EPM2A: variants seen among roughly 807,000 people sequenced by gnomAD.
EPM2A encodes the protein laforin.
A neutral mutation model predicts 26.5 loss-of-function variants in EPM2A; 21 were observed. The ratio of observed to expected loss-of-function variants is 0.79; its 90% CI spans 0.56 to 1.14. The LOEUF (loss-of-function observed/expected upper bound fraction) is 1.14, where lower values mean the gene tolerates loss of function less well. Among genes scored for constraint, EPM2A ranks in the 50% most tolerant of loss-of-function variants. EPM2A has a pLI of 0.00. For missense variants in EPM2A, 458 were observed against 440.8 expected, an observed-to-expected ratio of 1.04 and a Z score of -0.35; for synonymous variants, 217 against 177.6, an observed-to-expected ratio of 1.22 and a Z score of -1.76.
At chr6:145,495,823 C>T (rs571700058) in intron 4 of EPM2A, among the ~76,000 whole-genome samples, 2 of 152,320 alleles carry the variant, frequency 1.3e-5, no homozygotes, top group African/African-American at 4.8e-5. Context: ...GATCTGCCCA[C>T]CTCAGCCTCC....
At chr6:145,602,406 A>T (rs1013478873) in intron 2 of EPM2A, among the ~76,000 whole-genome samples, 25 of 152,208 alleles carry the variant, frequency 1.6e-4, no homozygotes, top group Non-Finnish European at 1.8e-4. Flanking sequence ...TGCTTACAAT[A>T]TTATAGATCT....
At chr6:145,732,647 G>A (rs1776560082) in intron 1 of EPM2A, among the ~76,000 whole-genome samples, 1 of 152,042 alleles carries the variant, frequency 6.6e-6, no homozygotes, top group South Asian at 2.1e-4. Context: ...CAAATATGAA[G>A]TAAAACAAAT....
At chr6:145,653,316 G>T (rs1282595516) in intron 2 of EPM2A, among the ~76,000 whole-genome samples, 1 of 152,174 alleles carries the variant, frequency 6.6e-6, no homozygotes, top group Admixed American at 6.5e-5. Flanking sequence ...AGTTTTCCCT[G>T]CTCTTGCTCA....
chr6:145,709,995 AC>A (rs1378614717), intron 1 of EPM2A, among the ~76,000 whole-genome samples: 49 of 152,304 alleles, frequency 3.2e-4, no homozygotes, highest in African/African-American at 1.2e-3. Context: ...TAACTGTTAG[AC>A]CTAAAACCAT....
chr6:145,591,411 C>T (rs2128547912), intron 2 of EPM2A, among the ~76,000 whole-genome samples: 1 of 152,162 alleles, frequency 6.6e-6, no homozygotes, highest in East Asian at 1.9e-4. Context: ...AGATCATCTT[C>T]AACTCTAGAA....
intron 2 of EPM2A, among the ~76,000 whole-genome samples, chr6:145,652,727 A>G (rs931259754): frequency 6.6e-6 from 1 of 151,710 alleles, no homozygotes; most frequent in Non-Finnish European, 1.5e-5. Flanking sequence ...ACCTTACTTA[A>G]TCTACAAGCA....
At chr6:145,448,068 A>G (rs1220106660) in intron 4 of EPM2A, among the ~76,000 whole-genome samples, 1 of 152,146 alleles carries the variant, frequency 6.6e-6, no homozygotes, top group African/African-American at 2.4e-5. Flanking sequence ...TCTTCAGGAC[A>G]TAAGTATGTA....
chr6:145,428,075 G>GTTTTTTTTTTTTTTT (rs11343322), intron 4 of EPM2A, among the ~76,000 whole-genome samples: 1 of 97,522 alleles, frequency 1.0e-5, no homozygotes, highest in African/African-American at 4.1e-5. Context: ...TGTGTTGATA[G>GTTTTTTTTTTTTTTT]TTTTTTTTTT....
intron 2 of EPM2A, among the ~76,000 whole-genome samples, chr6:145,586,068 T>C (rs918539566): frequency 6.6e-6 from 1 of 152,176 alleles, no homozygotes; most frequent in African/African-American, 2.4e-5. Context: ...GGCCCTCAGC[T>C]TCAGCTTCAT....
chr6:145,400,005 T>C (rs1377616791), intron 4 of EPM2A, among the ~76,000 whole-genome samples: 2 of 152,208 alleles, frequency 1.3e-5, no homozygotes, highest in Middle Eastern at 3.2e-3. Context: ...TTTTGTGGTT[T>C]TGATTTTTAT....
At chr6:145,667,575 A>T (rs1050572709) in intron 2 of EPM2A, among the ~76,000 whole-genome samples, 1 of 151,428 alleles carries the variant, frequency 6.6e-6, no homozygotes, top group Non-Finnish European at 1.5e-5. Flanking sequence ...GGGACTGTAA[A>T]CTAGTTCAAC....
At chr6:145,674,742 AAG>A (rs1451338476) in intron 2 of EPM2A, among the ~76,000 whole-genome samples, 1 of 152,150 alleles carries the variant, frequency 6.6e-6, no homozygotes, top group East Asian at 1.9e-4. Context: ...TTAGAGAAAA[AAG>A]AGTAAAAACA....
intron 4 of EPM2A, among the ~76,000 whole-genome samples, chr6:145,481,286 A>C (rs1431559240): frequency 6.6e-6 from 1 of 152,120 alleles, no homozygotes; most frequent in Non-Finnish European, 1.5e-5. Flanking sequence ...ATTAAAAGGC[A>C]TATTTGTTCC....
At chr6:145,428,794 C>T (rs1357748456) in intron 4 of EPM2A, among the ~76,000 whole-genome samples, 2 of 152,202 alleles carry the variant, frequency 1.3e-5, no homozygotes, top group African/African-American at 2.4e-5. Context: ...TCTTCTTCAT[C>T]GCACAGTAAG....
At chr6:145,501,946 T>C in intron 3 of EPM2A, 5 of 454,302 alleles carry the variant, frequency 1.1e-5, no homozygotes, top group South Asian at 8.1e-5. Flanking sequence ...AGACTTTAAA[T>C]ACTTGTCCAA....
chr6:145,614,831 T>G (rs1015013618), intron 2 of EPM2A, among the ~76,000 whole-genome samples: 4 of 152,124 alleles, frequency 2.6e-5, no homozygotes, highest in Admixed American at 2.0e-4. Flanking sequence ...ATAATGAAAT[T>G]TGAAATATTG....
intron 3 of EPM2A, chr6:145,631,371 C>G (rs1460380665): frequency 6.6e-6 from 1 of 152,010 alleles, no homozygotes; most frequent in Admixed American, 6.6e-5. Flanking sequence ...GACAGAAATC[C>G]AGATCTTTTA....
intron 2 of EPM2A, among the ~76,000 whole-genome samples, chr6:145,605,282 T>C (rs540922103): frequency 2.0e-5 from 3 of 152,314 alleles, no homozygotes; most frequent in Admixed American, 1.3e-4. Flanking sequence ...TAACATGCCA[T>C]ACTTGGTAAC....
intron 2 of EPM2A, among the ~76,000 whole-genome samples, chr6:145,577,806 A>G (rs187372833): frequency 1.4e-4 from 21 of 152,220 alleles, no homozygotes; most frequent in Non-Finnish European, 2.6e-4. Context: ...AAAGCATAAA[A>G]CAAGTCTCAA....
Sources: allele counts gnomAD v4.1 joint callset (sites outside exome capture counted in the v4.1 genomes callset), GRCh38; gene constraint gnomAD v4.1.1; transcripts MANE v1.5; gene names NCBI Gene and HGNC (gene_info 2026-07-23, HGNC 2026-07-21).